The following SOHLH2 variants were observed in gnomAD, a reference collection of about 807,000 sequenced individuals.
The protein encoded by SOHLH2 is spermatogenesis and oogenesis specific basic helix-loop-helix 2.
In SOHLH2, 22 loss-of-function variants were observed where a neutral mutation model predicts 50.4. The ratio of observed to expected loss-of-function variants is 0.44; its 90% CI spans 0.31 to 0.62. The LOEUF is 0.62. SOHLH2 is among the 20% of genes least tolerant of loss of function. The probability of loss-of-function intolerance (pLI) is 0.08; values close to 1 mark genes in which losing one functional copy is unlikely to be tolerated. For synonymous variants in SOHLH2, 185 were observed against 187.3 expected (o/e 0.99, Z 0.10); for missense variants, 412 against 504.4 (o/e 0.82, Z 1.76).
intron 1 of SOHLH2, 134 bp from the exon 2 acceptor site, chr13:36,202,227 G>GAT: frequency 5.4e-6 from 6 of 1,119,360 alleles, no homozygotes; most frequent in Non-Finnish European, 7.5e-6. Flanking sequence ...TGACTGGCTA[G>GAT]ATGGTCAACT....
intron 2 of SOHLH2, among the ~76,000 whole-genome samples, chr13:36,200,663 T>C (rs1432121483): frequency 6.6e-6 from 1 of 152,184 alleles, no homozygotes; most frequent in African/African-American, 2.4e-5. Flanking sequence ...TTTGCTCTGA[T>C]CTAACCCTAT....
At chr13:36,190,953 A>C (rs1317376435) in intron 5 of SOHLH2, among the ~76,000 whole-genome samples, 1 of 152,200 alleles carries the variant, frequency 6.6e-6, no homozygotes, top group Non-Finnish European at 1.5e-5. Flanking sequence ...AAAACAGTAG[A>C]TGGCCACATT....
intron 2 of SOHLH2, among the ~76,000 whole-genome samples, chr13:36,198,161 C>T (rs115228285): frequency 0.013 from 2,051 of 152,274 alleles, 39 homozygotes; most frequent in African/African-American, 0.046. Context: ...GATTTGTTGA[C>T]GGAGCAGATG....
intron 2 of SOHLH2, among the ~76,000 whole-genome samples, chr13:36,200,665 T>C (rs574240434): frequency 1.3e-5 from 2 of 152,348 alleles, no homozygotes; most frequent in African/African-American, 2.4e-5. Context: ...TGCTCTGATC[T>C]AACCCTATCT....
intron 6 of SOHLH2, among the ~76,000 whole-genome samples, chr13:36,176,366 A>G (rs1327561643): frequency 6.6e-6 from 1 of 152,148 alleles, no homozygotes; most frequent in East Asian, 1.9e-4. Context: ...CATTAGAAAA[A>G]TGTTCGAACA....
chr13:36,182,004 TTAAAGGG>T, intron 6 of SOHLH2: 1 of 957,914 alleles, frequency 1.0e-6, no homozygotes, highest in East Asian at 1.2e-4. Flanking sequence ...GTGGCATACA[TTAAAGGG>T]TAGTTTTCTA....
intron 1 of SOHLH2, among the ~76,000 whole-genome samples, chr13:36,210,007 GTTA>G (rs1869014057): frequency 1.3e-4 from 1 of 7,990 alleles, no homozygotes; most frequent in African/African-American, 4.7e-4. Flanking sequence ...GACCAAGTAT[GTTA>G]GTTTATTTTC....
At chr13:36,186,548 G>C (rs1887426343) in intron 6 of SOHLH2, among the ~76,000 whole-genome samples, 1 of 152,016 alleles carries the variant, frequency 6.6e-6, no homozygotes, top group Non-Finnish European at 1.5e-5. Flanking sequence ...CTTCATTTGT[G>C]GGACACTATG....
chr13:36,184,905 T>C lies in SOHLH2; in HGVS notation c.641+5041A>G, dbSNP rs1244424972. On this transcript the variant is annotated intron_variant, in intron 6 of 10. Coordinates refer to ENST00000379881, the MANE Select transcript of SOHLH2 (RefSeq NM_017826.3). ...CGCATGCATTAGGTATTTGTCCTAA[T>C]GCTCTCCCTCCCCTTTCCCCTCAAC... is the stretch of plus-strand genomic sequence containing the variant. Among the ~76,000 whole-genome samples, 3 of 152,276 alleles carry C rather than the reference T, an allele frequency of 2.0e-5. 1 individual carries two copies. Among genetic ancestry groups the C allele is most frequent in the East Asian group, 3.9e-4 (2 of 5,168 alleles).
intron 2 of SOHLH2, 90 bp from the exon 3 acceptor site, chr13:36,193,957 A>G: frequency 8.4e-7 from 1 of 1,190,536 alleles, no homozygotes; most frequent in Non-Finnish European, 1.2e-6. Flanking sequence ...AACTAACTAC[A>G]GTGATTTTCT....
At chr13:36,178,836 ATATTTGTTCCTAAGTATCCTAAAGC>A (rs1887167658) in intron 6 of SOHLH2, among the ~76,000 whole-genome samples, 1 of 145,838 alleles carries the variant, frequency 6.9e-6, no homozygotes, top group African/African-American at 2.5e-5. Context: ...TTTTTTTTGC[ATATTTGTTCCTAAGTATCCTAAAGC>A]TATTTTATTC....
chr13:36,200,148 G>GCT (rs963761011), intron 2 of SOHLH2, among the ~76,000 whole-genome samples: 67 of 152,236 alleles, frequency 4.4e-4, no homozygotes, highest in African/African-American at 1.6e-3. Context: ...ATAAAATCCT[G>GCT]CTCCACCTGC....
chr13:36,175,818 T>A (rs1018853633), intron 6 of SOHLH2, among the ~76,000 whole-genome samples: 1 of 151,940 alleles, frequency 6.6e-6, no homozygotes, highest in Non-Finnish European at 1.5e-5. Context: ...TCTGCGGGGG[T>A]GTCTCGGGAA....
chr13:36,204,227 G>A (rs184456715), intron 1 of SOHLH2, among the ~76,000 whole-genome samples: 139 of 151,986 alleles, frequency 9.1e-4, no homozygotes, highest in African/African-American at 3.1e-3. Flanking sequence ...CTGGGATTAC[G>A]GGTGTGAGCC....
intron 1 of SOHLH2, 103 bp from the exon 2 acceptor site, chr13:36,202,196 C>T: frequency 1.5e-6 from 2 of 1,377,506 alleles, no homozygotes; most frequent in Non-Finnish European, 2.0e-6. Flanking sequence ...AATAACACAA[C>T]AATTGACTCC....
intron 1 of SOHLH2, among the ~76,000 whole-genome samples, chr13:36,204,569 G>A (rs1317354117): frequency 6.6e-6 from 1 of 152,088 alleles, no homozygotes; most frequent in African/African-American, 2.4e-5. Flanking sequence ...TTTCAAGAGC[G>A]AAGTTTTCAC....
intron 6 of SOHLH2, among the ~76,000 whole-genome samples, chr13:36,176,573 A>G (rs1887101625): frequency 6.6e-6 from 1 of 152,164 alleles, no homozygotes; most frequent in South Asian, 2.1e-4. Flanking sequence ...CCCAAGGTTT[A>G]ATACAAAACT....
At chr13:36,214,040 ATTTT>A (rs774440035) in intron 1 of SOHLH2, among the ~76,000 whole-genome samples, 1 of 139,618 alleles carries the variant, frequency 7.2e-6, no homozygotes, top group Non-Finnish European at 1.6e-5. Context: ...AAGGGCTAAG[ATTTT>A]TTTTTTTTTT....
intron 5 of SOHLH2, among the ~76,000 whole-genome samples, chr13:36,191,089 T>C (rs1307468002): frequency 6.6e-6 from 1 of 152,098 alleles, no homozygotes; most frequent in Admixed American, 6.6e-5. Context: ...CAGCTTAAAG[T>C]GAAGGGAAGA....
Sources: gnomAD v4.1 joint callset for allele counts (sites outside exome capture counted in the v4.1 genomes callset) on GRCh38, gnomAD v4.1.1 for gene constraint, MANE v1.5 for transcripts, NCBI Gene and HGNC (gene_info 2026-07-23, HGNC 2026-07-21) for gene names.